Variants in PDE8A observed in about 807,000 individuals in gnomAD.
The protein encoded by PDE8A is phosphodiesterase 8A, also known as high affinity cAMP-specific and IBMX-insensitive 3',5'-cyclic phosphodiesterase 8A.
In PDE8A, 59 loss-of-function variants were observed where a neutral mutation model predicts 105.0. The ratio of observed to expected loss-of-function variants is 0.56; its 90% CI spans 0.46 to 0.70. The LOEUF (loss-of-function observed/expected upper bound fraction) is 0.70, where lower values mean the gene tolerates loss of function less well. PDE8A is among the 30% of genes least tolerant of loss of function. PDE8A has a pLI of 0.00. For missense variants in PDE8A, 1,014 were observed against 1,045.9 expected (o/e 0.97, Z 0.42); for synonymous variants, 355 against 371.9 (o/e 0.95, Z 0.52).
chr15:85,088,549 T>C (rs2081590609), intron 6 of PDE8A, among the ~76,000 whole-genome samples: 1 of 152,248 alleles, frequency 6.6e-6, no homozygotes, highest in Non-Finnish European at 1.5e-5. Flanking sequence ...TTTTGGCTTT[T>C]CTGAGTAATA....
chr15:85,090,085 C>G (rs1359718512), intron 7 of PDE8A, among the ~76,000 whole-genome samples: 2 of 152,170 alleles, frequency 1.3e-5, no homozygotes, highest in East Asian at 1.9e-4. Context: ...TTGTGACTTC[C>G]TTGTTGAAGA....
rs960450148 is a variant in PDE8A, at chr15:85,088,914, A to C, written c.636-424A>C. Reference sequence around the variant, plus strand: ...ATTTTGTGAAAATAATTTGTTTAAAATAATAGGTAGAAATGATTGCCTTCT... The same window carrying C: ...ATTTTGTGAAAATAATTTGTTTAAACTAATAGGTAGAAATGATTGCCTTCT... On this transcript the variant is annotated intron_variant, in intron 6 of 21. Transcript: ENST00000394553. Among the ~76,000 whole-genome samples the C allele has an allele frequency of 2.0e-5, 3 of 152,332 alleles. No individual in the cohort carries two copies. In the South Asian group the frequency reaches 6.2e-4, roughly 32 times the overall value.
At chr15:85,097,774 T>A (rs1298412236) in intron 8 of PDE8A, 174 bp from the exon 9 acceptor site, 10 of 577,834 alleles carry the variant, frequency 1.7e-5, no homozygotes, top group Non-Finnish European at 3.1e-5. Flanking sequence ...CAGAAGGAGG[T>A]GGACTTTGGA....
intron 1 of PDE8A, among the ~76,000 whole-genome samples, chr15:84,989,895 A>G (rs961631469): frequency 6.6e-6 from 1 of 152,222 alleles, no homozygotes; most frequent in African/African-American, 2.4e-5. Flanking sequence ...TATGCCTGCC[A>G]TCTGGATTCT....
upstream of PDE8A, among the ~76,000 whole-genome samples, chr15:84,981,320 C>CCCGCTGGAGGTCA (rs1423283590): frequency 6.6e-6 from 1 of 152,216 alleles, no homozygotes; most frequent in Non-Finnish European, 1.5e-5. Context: ...GACGCCAGCA[C>CCCGCTGGAGGTCA]CCGCTGGAGG....
chr15:85,110,367 C>G (rs2082003682), intron 12 of PDE8A, among the ~76,000 whole-genome samples: 1 of 152,144 alleles, frequency 6.6e-6, no homozygotes, highest in Non-Finnish European at 1.5e-5. Flanking sequence ...CAATGAAATT[C>G]ACTTAAGTTT....
At chr15:85,069,740 A>G (rs954540680) in intron 3 of PDE8A, among the ~76,000 whole-genome samples, 11 of 152,272 alleles carry the variant, frequency 7.2e-5, no homozygotes, top group Non-Finnish European at 1.6e-4. Flanking sequence ...GCCTTTACAA[A>G]TGTAATCCCC....
At chr15:84,990,175 A>G (rs1454551642) in intron 1 of PDE8A, among the ~76,000 whole-genome samples, 1 of 152,176 alleles carries the variant, frequency 6.6e-6, no homozygotes, top group African/African-American at 2.4e-5. Context: ...ATATAGCAAG[A>G]CCTCATCTCA....
chr15:85,136,218 C>T (rs1443506881), intron 20 of PDE8A, among the ~76,000 whole-genome samples: 2 of 152,330 alleles, frequency 1.3e-5, no homozygotes, highest in South Asian at 2.1e-4. Flanking sequence ...TAGGTCAATA[C>T]GAACAACAGA....
chr15:85,068,288 C>T (rs556350084), intron 3 of PDE8A, among the ~76,000 whole-genome samples: 2 of 152,238 alleles, frequency 1.3e-5, no homozygotes, highest in Admixed American at 1.3e-4. Context: ...GATCCATCTG[C>T]CTCAGCCTCC....
Position 85,120,829 on chromosome 15 carries a change from A to T in PDE8A, c.1767A>T (p.Ala589=), listed in dbSNP as rs762757890. ...TAGATCCAATTGATGAGGTCGCTGC[A>T]CTCATCGCAGCCACCATTCATGATG... The part of the protein sequence containing the change: ...ETLDPIDEVA[A]LIAATIHDVD... Residue 589 remains alanine (A), a synonymous_variant, in exon 18 of 22, where the codon GCA becomes GCT. Transcript: ENST00000394553. The T allele has an allele frequency of 6.2e-7, 1 of 1,613,538 alleles. No homozygotes were observed. The highest frequency in any genetic ancestry group is 8.5e-7 in the Non-Finnish European group (1 of 1,179,498).
At position 85,065,695 on chromosome 15, in the gene PDE8A, T is replaced by G. The variant is rs553240618; in HGVS notation, c.243+1269T>G. On this transcript the variant is annotated intron_variant, in intron 2 of 21. Transcript: ENST00000394553. ...AGGAGGGTTTCTGATAGCTTTGCAGTCTGTTTCACAGGCTGCCCATCTCCT... is the reference window on the plus strand; with the variant it reads ...AGGAGGGTTTCTGATAGCTTTGCAGGCTGTTTCACAGGCTGCCCATCTCCT... Among the ~76,000 whole-genome samples the G allele has an allele frequency of 4.6e-5, 7 of 152,342 alleles. No homozygotes were observed. The South Asian group carries it at 1.5e-3, about 32-fold the overall frequency.
intron 16 of PDE8A, among the ~76,000 whole-genome samples, chr15:85,117,279 C>A (rs1045514236): frequency 4.6e-5 from 7 of 152,194 alleles, no homozygotes; most frequent in African/African-American, 1.7e-4. Context: ...GGATAGTGTT[C>A]AAGGTGGTAC....
chr15:85,089,052 C>T (rs900213110), intron 6 of PDE8A, among the ~76,000 whole-genome samples: 5 of 152,082 alleles, frequency 3.3e-5, no homozygotes, highest in African/African-American at 9.7e-5. Context: ...TGCCCAGGGT[C>T]CCACAGCTGC....
intron 1 of PDE8A, among the ~76,000 whole-genome samples, chr15:85,008,384 C>A (rs1020655140): frequency 6.6e-6 from 1 of 151,984 alleles, no homozygotes; most frequent in Non-Finnish European, 1.5e-5. Context: ...CCCATTACTG[C>A]CTTTCTCCTT....
intron 19 of PDE8A, 30 bp downstream of exon 19, chr15:85,123,223 G>A (rs774438801): frequency 1.9e-6 from 3 of 1,610,842 alleles, no homozygotes; most frequent in Admixed American, 1.7e-5. Context: ...AAGAGAACCT[G>A]TGTTTGGGGT....
intron 1 of PDE8A, among the ~76,000 whole-genome samples, chr15:85,053,312 A>T (rs1296760562): frequency 1.3e-5 from 2 of 152,094 alleles, no homozygotes; most frequent in Admixed American, 1.3e-4. Flanking sequence ...AGGCTCTTTT[A>T]TGGTTCCATA....
In PDE8A at chr15:85,046,349, A is replaced by T. The variant is rs992925352; in HGVS notation, c.187-18021A>T. Among the ~76,000 whole-genome samples, 6 of 152,154 alleles carry T rather than the reference A, an allele frequency of 3.9e-5. No individual in the cohort carries two copies. In the East Asian group the frequency reaches 1.2e-3, roughly 29 times the overall value. ...CAGGCGTGAGGCACCACGCCCAGCC[A>T]TTCTTTCTGTTTCTTAATGGAATAA... is the stretch of plus-strand genomic sequence containing the variant. On this transcript the variant is annotated intron_variant, in intron 1 of 21. Coordinates refer to ENST00000394553, the MANE Select transcript of PDE8A (RefSeq NM_002605.3).
chr15:85,071,745 G>T (rs1209878124), intron 3 of PDE8A, among the ~76,000 whole-genome samples: 5 of 152,168 alleles, frequency 3.3e-5, no homozygotes, highest in Non-Finnish European at 7.3e-5. Context: ...GACCCTCTTT[G>T]TTGGCAAACT....
Sources: allele counts gnomAD v4.1 joint callset (sites outside exome capture counted in the v4.1 genomes callset), GRCh38; gene constraint gnomAD v4.1.1; transcripts MANE v1.5; gene names NCBI Gene and HGNC (gene_info 2026-07-23, HGNC 2026-07-21).